STIM1: variants seen among roughly 807,000 people sequenced by gnomAD.
The protein encoded by STIM1 is stromal interaction molecule 1.
In STIM1, 25 loss-of-function variants were observed where a neutral mutation model predicts 74.7. That is an observed-to-expected ratio of 0.33 (90% CI 0.24 to 0.47). The LOEUF (loss-of-function observed/expected upper bound fraction) is 0.47. Ranked by LOEUF, STIM1 falls within the 20% of genes least tolerant of loss-of-function variation. The pLI is 1.00. For synonymous variants in STIM1, 328 were observed against 348.8 expected (o/e 0.94, Z 0.66); for missense variants, 728 against 920.8 (o/e 0.79, Z 2.71).
chr11:3,989,811 T>G (rs1380165437), intron 2 of STIM1, among the ~76,000 whole-genome samples: 1 of 152,234 alleles, frequency 6.6e-6, no homozygotes, highest in Non-Finnish European at 1.5e-5. Context: ...CCACCAGGCC[T>G]AAAATATTTA....
At chr11:3,882,584 C>G (rs1346383887) in intron 1 of STIM1, among the ~76,000 whole-genome samples, 1 of 152,122 alleles carries the variant, frequency 6.6e-6, no homozygotes, top group African/African-American at 2.4e-5. Flanking sequence ...CATATGTACC[C>G]CGGAACTTAA....
At chr11:3,859,910 T>C (rs2090533074) in intron 1 of STIM1, among the ~76,000 whole-genome samples, 1 of 152,192 alleles carries the variant, frequency 6.6e-6, no homozygotes, top group African/African-American at 2.4e-5. Context: ...CTTAGCTAGG[T>C]TAATTGATTC....
chr11:3,903,771 G>A (rs147098333), intron 1 of STIM1, among the ~76,000 whole-genome samples: 2 of 152,264 alleles, frequency 1.3e-5, no homozygotes, highest in Admixed American at 1.3e-4. Context: ...TGAGAGGCTG[G>A]GCAAGTGGGT....
chr11:3,999,052 T>A (rs2093687749), intron 2 of STIM1, among the ~76,000 whole-genome samples: 1 of 152,198 alleles, frequency 6.6e-6, no homozygotes, highest in Admixed American at 6.5e-5. Flanking sequence ...TCAGTAAAAC[T>A]TTATGAAAAC....
chr11:4,033,512 T>G (rs1342636284), intron 3 of STIM1, among the ~76,000 whole-genome samples: 4 of 152,136 alleles, frequency 2.6e-5, no homozygotes, highest in Non-Finnish European at 5.9e-5. Flanking sequence ...TTTTTTTTTC[T>G]TTTTCTTGCC....
intron 2 of STIM1, among the ~76,000 whole-genome samples, chr11:3,994,721 C>G (rs762648583): frequency 2.0e-5 from 3 of 152,018 alleles, no homozygotes; most frequent in Non-Finnish European, 4.4e-5. Context: ...TGGCCTCTCA[C>G]AGGTGTGAGT....
chr11:3,902,724 T>A (rs2092381376), intron 1 of STIM1, among the ~76,000 whole-genome samples: 2 of 152,180 alleles, frequency 1.3e-5, no homozygotes. Context: ...GGGAATAGAA[T>A]GCTCAGGAGA....
In STIM1 at chr11:4,059,458, T is replaced by TAGGCTA. The variant is rs906552685; in HGVS notation, c.613+74_613+79dup. 46 of 1,438,472 alleles carry TAGGCTA rather than the reference T, an allele frequency of 3.2e-5. No individual in the cohort carries two copies. The African/African-American group carries it at 5.3e-4, about 17-fold the overall frequency. The allele number at this position is 1,438,472 out of a possible 1,614,324, so 89.1% of individuals were successfully genotyped here. On this transcript the variant is annotated intron_variant, in intron 5 of 12. Transcript: ENST00000526596. The stretch of plus-strand genomic sequence containing the variant: ...TGGAAACCAAAGCTGTTGTAGTGGA[T>TAGGCTA]AGGCTAAGGCTAAGGCTCTGGGTCT...
intron 1 of STIM1, among the ~76,000 whole-genome samples, chr11:3,904,051 G>T (rs1302502972): frequency 1.3e-5 from 2 of 151,944 alleles, no homozygotes; most frequent in Non-Finnish European, 2.9e-5. Flanking sequence ...ACAAAAATTA[G>T]CTGGGTGTGG....
Position 4,083,315 on chromosome 11 carries a change from C to A in STIM1, c.1291C>A (p.Gln431Lys), listed in dbSNP as rs199666087. 39 of 1,614,114 alleles carry A rather than the reference C, an allele frequency of 2.4e-5. No homozygotes were observed. Among genetic ancestry groups the A allele is most frequent in the Non-Finnish European group, 3.2e-5 (38 of 1,180,048 alleles). ...ATTGCGGGAGCGCCTGCACCGCTGGCAACAGATCGAGATCCTCTGTGGCTT... is the reference window on the plus strand; with the variant it reads ...ATTGCGGGAGCGCCTGCACCGCTGGAAACAGATCGAGATCCTCTGTGGCTT... ...AALRERLHRW[Q>K]QIEILCGFQI... Residue 431 changes from glutamine to lysine, a missense_variant, in exon 10 of 13, where the codon CAA (glutamine) becomes AAA (lysine). Physicochemically the swap from Gln to Lys is moderately conservative, Grantham distance 53. Transcript: ENST00000526596.
chr11:4,088,490 T>G, intron 12 of STIM1: 1 of 531,762 alleles, frequency 1.9e-6, no homozygotes, highest in East Asian at 3.5e-5. Flanking sequence ...CTCATATCCA[T>G]TCTCATTCTC....
chr11:4,038,768 G>C (rs2094124329), intron 3 of STIM1, among the ~76,000 whole-genome samples: 1 of 152,148 alleles, frequency 6.6e-6, no homozygotes, highest in African/African-American at 2.4e-5. Context: ...TCTTGGCCCA[G>C]CCTAGCTCTA....
intron 2 of STIM1, among the ~76,000 whole-genome samples, chr11:3,997,065 G>T (rs2093669411): frequency 6.6e-6 from 1 of 152,200 alleles, no homozygotes; most frequent in Non-Finnish European, 1.5e-5. Context: ...TGTAAGACTG[G>T]AGATGTTAGA....
rs1372399472 is a variant in STIM1, at chr11:3,941,671, T to TAGAG, written c.140-25880_140-25879insGAGA. Reference sequence around the variant, plus strand: ...GTGTATACATATATATATATATATATATAGAGAGAGAGAGAGAGAGAGAGA... The same window carrying TAGAG: ...GTGTATACATATATATATATATATATAGAGATAGAGAGAGAGAGAGAGAGAGAGA... On this transcript the variant is annotated intron_variant, in intron 1 of 12. Coordinates refer to ENST00000526596, the MANE Select transcript of STIM1 (RefSeq NM_001382567.1). Among the ~76,000 whole-genome samples the TAGAG allele has an allele frequency of 8.8e-3, 667 of 76,092 alleles. 5 individuals carry two copies. The highest frequency in any genetic ancestry group is 0.028 in the African/African-American group (627 of 22,752). The allele number at this position is 76,092 out of a possible 152,430, so 49.9% of individuals were successfully genotyped here. A position where few individuals can be genotyped will look rare whatever the true frequency, so the allele number is the denominator to read the frequency against.
intron 7 of STIM1, among the ~76,000 whole-genome samples, chr11:4,078,180 A>G (rs2094447176): frequency 6.6e-6 from 1 of 152,214 alleles, no homozygotes; most frequent in South Asian, 2.1e-4. Context: ...ATATTAAGGA[A>G]CTGATCACCT....
intron 6 of STIM1, among the ~76,000 whole-genome samples, 179 bp downstream of exon 6, chr11:4,070,382 A>T (rs979822441): frequency 2.0e-5 from 3 of 152,194 alleles, no homozygotes; most frequent in Admixed American, 6.5e-5. Context: ...GCTATTGGGC[A>T]GTTATTCCTC....
chr11:4,062,201 G>A (rs2094335627), intron 5 of STIM1, among the ~76,000 whole-genome samples: 1 of 152,058 alleles, frequency 6.6e-6, no homozygotes. Flanking sequence ...TAGATAAATT[G>A]GACTTCACCA....
chr11:3,931,546 A>C (rs960299022), intron 1 of STIM1, among the ~76,000 whole-genome samples: 1 of 152,166 alleles, frequency 6.6e-6, no homozygotes, highest in African/African-American at 2.4e-5. Flanking sequence ...TGTTTGGTCC[A>C]TCTGTCAAGC....
At chr11:3,896,098 G>T (rs1227807636) in intron 1 of STIM1, among the ~76,000 whole-genome samples, 1 of 151,720 alleles carries the variant, frequency 6.6e-6, no homozygotes, top group East Asian at 1.9e-4. Context: ...TAGAGACGGG[G>T]TTTCACCATG....
Sources: gnomAD v4.1 joint callset for allele counts (sites outside exome capture counted in the v4.1 genomes callset) on GRCh38, gnomAD v4.1.1 for gene constraint, MANE v1.5 for transcripts, NCBI Gene and HGNC (gene_info 2026-07-23, HGNC 2026-07-21) for gene names.